HMCN1: variants seen among roughly 807,000 people sequenced by gnomAD.
The protein encoded by HMCN1 is hemicentin-1.
A neutral mutation model predicts 625.9 loss-of-function variants in HMCN1; 321 were observed. That is an observed-to-expected ratio of 0.51 (90% CI 0.47 to 0.56). The LOEUF is 0.56. Among genes scored for constraint, HMCN1 ranks in the 20% least tolerant of loss-of-function variants. The pLI, the probability that HMCN1 is intolerant of heterozygous loss-of-function variation, is 0.00. For missense variants in HMCN1, 6,588 were observed against 6,887.3 expected, an observed-to-expected ratio of 0.96 and a Z score of 1.54; for synonymous variants, 2,425 against 2,417.6, an observed-to-expected ratio of 1.00 and a Z score of -0.09.
intron 2 of HMCN1, among the ~76,000 whole-genome samples, chr1:185,852,429 A>C (rs2102331466): frequency 6.6e-6 from 1 of 152,124 alleles, no homozygotes; most frequent in South Asian, 2.1e-4. Flanking sequence ...AAGAAAAGGC[A>C]TTATATGTCA....
chr1:185,982,169 A>T (rs1248430377), intron 17 of HMCN1, 93 bp from the exon 18 acceptor site: 1 of 1,238,368 alleles, frequency 8.1e-7, no homozygotes, highest in African/African-American at 1.5e-5. Flanking sequence ...AAACTTTTAT[A>T]GCATAACTAA....
At chr1:185,917,659 T>C (rs1045536265) in intron 6 of HMCN1, among the ~76,000 whole-genome samples, 3 of 152,202 alleles carry the variant, frequency 2.0e-5, no homozygotes, top group South Asian at 2.1e-4. Context: ...CCTACACTTA[T>C]CACGTGCCAG....
chr1:186,133,310 A>T (rs1160664641), intron 86 of HMCN1, among the ~76,000 whole-genome samples: 1 of 152,194 alleles, frequency 6.6e-6, no homozygotes, highest in Non-Finnish European at 1.5e-5. Context: ...GCACTTTAAG[A>T]TATTTATTAA....
chr1:186,106,095 A>G (rs1468002376), intron 69 of HMCN1, among the ~76,000 whole-genome samples: 1 of 152,212 alleles, frequency 6.6e-6, no homozygotes, highest in Non-Finnish European at 1.5e-5. Context: ...GTTTGAATGT[A>G]AGAGTTTTTA....
At chr1:186,086,454 T>C in intron 58 of HMCN1, 47 bp downstream of exon 58, 3 of 1,567,238 alleles carry the variant, frequency 1.9e-6, no homozygotes, top group Non-Finnish European at 2.6e-6. Flanking sequence ...CTCATCTTTA[T>C]TTTAATACAA....
rs541010506 is a variant in HMCN1, at chr1:186,125,900, T to A, written c.12690+106T>A. The A allele has an allele frequency of 7.4e-4, 585 of 790,346 alleles. 13 individuals carry two copies. In the Admixed American group the frequency reaches 0.014, roughly 20 times the overall value. The allele number at this position is 790,346 out of a possible 1,614,324, so 49.0% of individuals were successfully genotyped here. A position where few individuals can be genotyped will look rare whatever the true frequency, so the allele number is the denominator to read the frequency against. ...TATATTCTTTAATAATTAAAAAAAA[T>A]ATTCTTGTAAAATCAGGTCACAAAA... On this transcript the variant is annotated intron_variant, in intron 82 of 106. Transcript: ENST00000271588.
chr1:186,157,807 A>G (rs1368826520), intron 97 of HMCN1, among the ~76,000 whole-genome samples: 4 of 152,126 alleles, frequency 2.6e-5, no homozygotes, highest in African/African-American at 9.7e-5. Context: ...TCCATGGTGT[A>G]TATGTGCCAC....
chr1:185,953,118 T>G (rs1649352463), intron 11 of HMCN1, among the ~76,000 whole-genome samples: 1 of 149,606 alleles, frequency 6.7e-6, no homozygotes, highest in South Asian at 2.1e-4. Flanking sequence ...GACTTGCCAC[T>G]AAGGGTGAAG....
rs918528666 is a variant in HMCN1, at chr1:186,094,149, A to T, written c.10197-127A>T. 6 of 780,420 alleles carry T rather than the reference A, an allele frequency of 7.7e-6. No individual in the cohort carries two copies. In the African/African-American group the frequency reaches 1.0e-4, roughly 13 times the overall value. 48.3% of individuals were successfully genotyped at this position (780,420 alleles called of 1,614,324 possible). On this transcript the variant is annotated intron_variant, in intron 66 of 106. Coordinates refer to ENST00000271588, the MANE Select transcript of HMCN1 (RefSeq NM_031935.3). ...CCCCTATATTTTGTGATGGATGGCT[A>T]TAAGCTTCATAATTAAAATTTCCCA...
intron 11 of HMCN1, among the ~76,000 whole-genome samples, chr1:185,953,980 G>GT (rs1324087932): frequency 1.8e-4 from 27 of 151,246 alleles, no homozygotes; most frequent in African/African-American, 6.3e-4. Flanking sequence ...AAGGTGCTCA[G>GT]TGGGGGTGCT....
intron 60 of HMCN1, 59 bp from the exon 61 acceptor site, chr1:186,087,872 CA>C: frequency 3.5e-6 from 5 of 1,437,718 alleles, no homozygotes; most frequent in Non-Finnish European, 3.9e-6. Context: ...TAAACTCGAA[CA>C]GTATGATTGG....
intron 69 of HMCN1, among the ~76,000 whole-genome samples, chr1:186,104,967 T>TA (rs922989179): frequency 1.3e-5 from 2 of 151,772 alleles, no homozygotes; most frequent in African/African-American, 2.4e-5. Context: ...ATCATGAATA[T>TA]AAAAAAAATG....
Position 186,137,929 on chromosome 1 carries a change from G to A in HMCN1, c.13881G>A (p.Gly4627=). Residue 4627 remains glycine, a synonymous_variant, in exon 89 of 107, where the codon GGG becomes GGA. Transcript: ENST00000271588. The stretch of plus-strand genomic sequence containing the variant: ...AGCATGGTGGGCGGCCATGTGAAGG[G>A]AATGCTGTGGAAATAATTATGTGCA... The part of the protein sequence containing the change: ...SVQHGGRPCE[G]NAVEIIMCNI... 1 of 1,613,992 alleles carries A rather than the reference G, an allele frequency of 6.2e-7. No homozygotes were observed. The highest frequency in any genetic ancestry group is 8.5e-7 in the Non-Finnish European group (1 of 1,179,936).
intron 93 of HMCN1, among the ~76,000 whole-genome samples, chr1:186,147,955 A>AATTG: frequency 6.6e-6 from 1 of 152,210 alleles, no homozygotes; most frequent in Non-Finnish European, 1.5e-5. Flanking sequence ...TTGCCACATC[A>AATTG]ATTGATTCTT....
At position 185,962,439 on chromosome 1, in the gene HMCN1, T is replaced by C. The variant is rs962532365; in HGVS notation, c.1829-79T>C. The C allele has an allele frequency of 5.8e-6, 7 of 1,215,922 alleles. No individual in the cohort carries two copies. In the African/African-American group the frequency reaches 1.0e-4, roughly 18 times the overall value. The allele number at this position is 1,215,922 out of a possible 1,614,324, so 75.3% of individuals were successfully genotyped here. ...AATAAAGATGTGGTGGTGAGAAACC[T>C]ACAAATCTGCTAACATAGGAAGCTT... On this transcript the variant is annotated intron_variant, in intron 11 of 106. Coordinates refer to ENST00000271588, the MANE Select transcript of HMCN1 (RefSeq NM_031935.3).
chr1:186,017,661 A>G (rs912654374), intron 33 of HMCN1, among the ~76,000 whole-genome samples: 3 of 152,074 alleles, frequency 2.0e-5, no homozygotes, highest in African/African-American at 7.2e-5. Context: ...ATAATGCTAT[A>G]TGATTTCAAA....
At chr1:185,994,729 C>T in intron 23 of HMCN1, 86 bp from the exon 24 acceptor site, 2 of 1,302,610 alleles carry the variant, frequency 1.5e-6, no homozygotes, top group Non-Finnish European at 2.2e-6. Context: ...TCCATGGCTG[C>T]CTGTTGATAA....
chr1:185,935,903 T>G (rs1019841273), intron 11 of HMCN1, among the ~76,000 whole-genome samples: 1 of 152,184 alleles, frequency 6.6e-6, no homozygotes, highest in South Asian at 2.1e-4. Flanking sequence ...TATGATAATA[T>G]GAGAAATGAT....
At chr1:186,004,252 A>G (rs539670610) in intron 29 of HMCN1, among the ~76,000 whole-genome samples, 31 of 152,282 alleles carry the variant, frequency 2.0e-4, no homozygotes, top group African/African-American at 7.5e-4. Flanking sequence ...GGAACTACAG[A>G]TATTTCTCCA....
Sources: allele counts gnomAD v4.1 joint callset (sites outside exome capture counted in the v4.1 genomes callset), GRCh38; gene constraint gnomAD v4.1.1; transcripts MANE v1.5; gene names NCBI Gene and HGNC (gene_info 2026-07-23, HGNC 2026-07-21).